Variants in CAST observed in about 807,000 individuals in gnomAD.
CAST encodes the protein MIR583 host.
A neutral mutation model predicts 119.6 loss-of-function variants in CAST; 76 were observed. The observed-to-expected ratio is 0.64, with a 90% CI of 0.53 to 0.77. The LOEUF (loss-of-function observed/expected upper bound fraction) is 0.77, where lower values mean the gene tolerates loss of function less well. CAST is among the 30% of genes least tolerant of loss of function. CAST has a pLI of 0.00. For synonymous variants in CAST, 319 were observed against 331.6 expected, an observed-to-expected ratio of 0.96 and a Z score of 0.41; for missense variants, 953 against 946.5, an observed-to-expected ratio of 1.01 and a Z score of -0.09.
At chr5:96,590,824 T>C (rs1275378175) in intron 1 of CAST, among the ~76,000 whole-genome samples, 1 of 152,206 alleles carries the variant, frequency 6.6e-6, no homozygotes, top group Non-Finnish European at 1.5e-5. Flanking sequence ...GTTAAGCTCC[T>C]GCTTTAAAAA....
the CAST span, among the ~76,000 whole-genome samples, chr5:96,281,565 T>C: frequency 6.6e-6 from 1 of 152,228 alleles, no homozygotes; most frequent in Non-Finnish European, 1.5e-5. Context: ...AAGACAATTA[T>C]GTCCCCCAGA....
the CAST span, among the ~76,000 whole-genome samples, chr5:96,046,942 ATGATT>A: frequency 6.6e-6 from 1 of 152,148 alleles, no homozygotes; most frequent in African/African-American, 2.4e-5. Flanking sequence ...ACCAGCCCCC[ATGATT>A]CAATTACCTC....
the CAST span, among the ~76,000 whole-genome samples, chr5:95,977,166 C>T: frequency 6.6e-6 from 1 of 152,210 alleles, no homozygotes; most frequent in Non-Finnish European, 1.5e-5. Context: ...ATTAATGCCA[C>T]AAACTGGGCA....
the CAST span, among the ~76,000 whole-genome samples, chr5:96,253,563 T>G: frequency 2.0e-5 from 3 of 152,076 alleles, no homozygotes; most frequent in Admixed American, 2.0e-4. Context: ...ATTTTCCAAA[T>G]CAGTATCTAA....
chr5:96,665,137 G>T (rs1749154532), intron 1 of CAST, among the ~76,000 whole-genome samples: 1 of 152,116 alleles, frequency 6.6e-6, no homozygotes, highest in Admixed American at 6.5e-5. Flanking sequence ...GAACTTCCTA[G>T]AACCAGCTAC....
chr5:96,468,905 G>A, the CAST span, among the ~76,000 whole-genome samples: 8 of 152,186 alleles, frequency 5.3e-5, no homozygotes, highest in African/African-American at 9.6e-5. Flanking sequence ...AGGGGATCTC[G>A]TCTAAAATAG....
chr5:96,079,227 C>A, the CAST span: 4 of 407,082 alleles, frequency 9.8e-6, no homozygotes, highest in African/African-American at 2.2e-5. Context: ...TCCCCTGGGC[C>A]CCCTTCATTT....
chr5:96,490,209 A>G, the CAST span, among the ~76,000 whole-genome samples: 3 of 152,294 alleles, frequency 2.0e-5, no homozygotes, highest in South Asian at 4.1e-4. Flanking sequence ...ATCTAGGCCC[A>G]CTTACCTTTC....
intron 1 of CAST, among the ~76,000 whole-genome samples, chr5:96,532,929 G>A (rs1340127562): frequency 6.6e-6 from 1 of 152,040 alleles, no homozygotes; most frequent in African/African-American, 2.4e-5. Context: ...AGAGGCTGAG[G>A]TGGGAGGATT....
chr5:96,229,443 A>G, the CAST span, among the ~76,000 whole-genome samples: 1 of 152,060 alleles, frequency 6.6e-6, no homozygotes, highest in Non-Finnish European at 1.5e-5. Context: ...GAAAAAAAAG[A>G]CACTATTTCC....
intron 1 of CAST, among the ~76,000 whole-genome samples, chr5:96,618,548 G>A (rs1032028429): frequency 3.3e-5 from 5 of 152,244 alleles, no homozygotes; most frequent in Admixed American, 6.5e-5. Context: ...TGCGCATGGC[G>A]CTCGCGAGCT....
upstream of CAST, among the ~76,000 whole-genome samples, chr5:96,660,195 AC>A (rs897114960): frequency 1.3e-5 from 2 of 151,632 alleles, no homozygotes; most frequent in African/African-American, 4.9e-5. Flanking sequence ...AGGTGCCCCC[AC>A]CCCTTCTCCT....
the CAST span, among the ~76,000 whole-genome samples, chr5:96,301,069 G>A: frequency 6.6e-6 from 1 of 152,110 alleles, no homozygotes; most frequent in Non-Finnish European, 1.5e-5. Flanking sequence ...AATTGGCTCA[G>A]TATTCTCCAG....
chr5:96,339,934 A>C, the CAST span, among the ~76,000 whole-genome samples: 1 of 152,144 alleles, frequency 6.6e-6, no homozygotes, highest in South Asian at 2.1e-4. Context: ...AGGTGGAAAG[A>C]GACAAAGTGC....
chr5:96,395,196 G>C, the CAST span, among the ~76,000 whole-genome samples: 1 of 152,124 alleles, frequency 6.6e-6, no homozygotes, highest in Non-Finnish European at 1.5e-5. Flanking sequence ...ACAATTTGTA[G>C]GTTCAACAGT....
chr5:96,178,905 C>A, the CAST span, among the ~76,000 whole-genome samples: 525 of 152,312 alleles, frequency 3.4e-3, 2 homozygotes, highest in African/African-American at 0.012. Flanking sequence ...CTGATTACTT[C>A]TTGCTCCTCC....
chr5:96,179,252 A>G, the CAST span, among the ~76,000 whole-genome samples: 74,042 of 151,982 alleles, frequency 0.49, 19,534 homozygotes, highest in African/African-American at 0.69. Flanking sequence ...AAATAAAATC[A>G]AAACTCCCTT....
At chr5:96,202,547 CAAA>C in the CAST span, among the ~76,000 whole-genome samples, 1 of 151,574 alleles carries the variant, frequency 6.6e-6, no homozygotes, top group Non-Finnish European at 1.5e-5. Context: ...TGTTATAAGA[CAAA>C]AAAACAAAAA....
At chr5:96,182,069 C>T in the CAST span, among the ~76,000 whole-genome samples, 1 of 152,196 alleles carries the variant, frequency 6.6e-6, no homozygotes, top group African/African-American at 2.4e-5. Context: ...AAATGTCTTT[C>T]ATATTTAGTA....
Sources: allele counts gnomAD v4.1 joint callset (sites outside exome capture counted in the v4.1 genomes callset), GRCh38; gene constraint gnomAD v4.1.1; transcripts MANE v1.5; gene names NCBI Gene and HGNC (gene_info 2026-07-23, HGNC 2026-07-21).